Variants in CALHM4 observed in about 807,000 individuals in gnomAD.
CALHM4 encodes calcium homeostasis modulator protein 4.
A neutral mutation model predicts 13.3 loss-of-function variants in CALHM4; 16 were observed. That is an observed-to-expected ratio of 1.20 (90% confidence interval 0.81 to 1.82). The LOEUF (loss-of-function observed/expected upper bound fraction) is 1.82. Ranked by LOEUF, CALHM4 falls within the 40% of genes most tolerant of loss-of-function variation. The pLI is 0.00. For synonymous variants in CALHM4, 127 were observed against 137.1 expected, an observed-to-expected ratio of 0.93 and a Z score of 0.52; for missense variants, 344 against 374.9, an observed-to-expected ratio of 0.92 and a Z score of 0.68.
At chr6:116,533,676 G>T (rs1184065775) in intron 1 of CALHM4, among the ~76,000 whole-genome samples, 1 of 152,154 alleles carries the variant, frequency 6.6e-6, no homozygotes, top group Non-Finnish European at 1.5e-5. Flanking sequence ...TACTTGTAAC[G>T]CTAGAGCTCC....
At chr6:116,557,711 T>G in intron 1 of CALHM4, 114 bp from the exon 2 acceptor site, 1 of 1,289,140 alleles carries the variant, frequency 7.8e-7, no homozygotes, top group Non-Finnish European at 1.1e-6. Flanking sequence ...GAAAAGCAAA[T>G]TTTATGTCCA....
At chr6:116,547,707 G>A (rs1444948093) in intron 2 of CALHM4, among the ~76,000 whole-genome samples, 2 of 152,182 alleles carry the variant, frequency 1.3e-5, no homozygotes, top group Admixed American at 6.5e-5. Context: ...TGTTTCAAGC[G>A]GGTACATGAT....
intron 2 of CALHM4, among the ~76,000 whole-genome samples, chr6:116,546,814 C>G (rs1470028560): frequency 2.0e-5 from 3 of 152,154 alleles, no homozygotes; most frequent in Non-Finnish European, 4.4e-5. Context: ...GCATTTCCAT[C>G]ACTGCATATG....
chr6:116,549,660 A>T (rs1413692421), upstream of CALHM4, among the ~76,000 whole-genome samples: 2 of 151,684 alleles, frequency 1.3e-5, no homozygotes, highest in African/African-American at 2.4e-5. Flanking sequence ...TGATGGATTC[A>T]TTTCTGATAA....
chr6:116,549,070 A>G (rs1296449281), upstream of CALHM4, among the ~76,000 whole-genome samples: 2 of 152,200 alleles, frequency 1.3e-5, no homozygotes, highest in Non-Finnish European at 2.9e-5. Flanking sequence ...GGATCACCTG[A>G]GGTCAGGAGT....
intron 1 of CALHM4, among the ~76,000 whole-genome samples, chr6:116,538,110 G>T (rs1305837197): frequency 6.6e-6 from 1 of 152,180 alleles, no homozygotes; most frequent in Non-Finnish European, 1.5e-5. Context: ...TTCTACTAGA[G>T]AAGCTTTGTT....
intron 1 of CALHM4, among the ~76,000 whole-genome samples, chr6:116,530,876 A>G (rs1772656840): frequency 7.0e-6 from 1 of 142,822 alleles, no homozygotes; most frequent in South Asian, 2.2e-4. Flanking sequence ...TAATGTGAGC[A>G]GAAGGTTCAT....
In CALHM4 at chr6:116,530,388, A is replaced by C. The variant is rs143029219; in HGVS notation, c.-109+1198A>C. ...AAAAGAAAACACACAGAATGTCAAG[A>C]GAAAGGACTGAAAAAGACTTAGAAA... On this transcript the variant is annotated intron_variant, in intron 1 of 2. Transcript: ENST00000368597. 2.7e-3 allele frequency among the ~76,000 whole-genome samples: 413 copies of C among 152,334 alleles called. 1 individual carries two copies. Among genetic ancestry groups the C allele is most frequent in the African/African-American group, 9.5e-3 (396 of 41,560 alleles).
chr6:116,531,952 A>C (rs893749918), intron 1 of CALHM4, among the ~76,000 whole-genome samples: 1 of 151,710 alleles, frequency 6.6e-6, no homozygotes, highest in Non-Finnish European at 1.5e-5. Context: ...TAAAATTACC[A>C]AGTTGAGTTC....
At chr6:116,554,392 A>G (rs1233019038) in intron 1 of CALHM4, 41 bp downstream of exon 1, 12 of 1,426,458 alleles carry the variant, frequency 8.4e-6, no homozygotes, top group Non-Finnish European at 7.4e-6. Context: ...ATGTTATCCT[A>G]TAGAACTACA....
At chr6:116,541,422 C>T (rs1214364754) in intron 1 of CALHM4, among the ~76,000 whole-genome samples, 1 of 152,106 alleles carries the variant, frequency 6.6e-6, no homozygotes, top group African/African-American at 2.4e-5. Flanking sequence ...AGTGGAGCCA[C>T]AAAATGCCCA....
chr6:116,554,498 C>A, intron 1 of CALHM4, 147 bp downstream of exon 1: 2 of 757,090 alleles, frequency 2.6e-6, no homozygotes, highest in Non-Finnish European at 4.1e-6. Flanking sequence ...TTCTACTGAG[C>A]AAATATATAT....
At chr6:116,543,690 G>A (rs573569545) in intron 1 of CALHM4, 6 of 811,710 alleles carry the variant, frequency 7.4e-6, no homozygotes, top group East Asian at 2.7e-5. Context: ...TTTTCATGGA[G>A]GACAGTTTTT....
chr6:116,556,690 G>T (rs1774331237), intron 1 of CALHM4, among the ~76,000 whole-genome samples: 1 of 152,008 alleles, frequency 6.6e-6, no homozygotes, highest in Non-Finnish European at 1.5e-5. Flanking sequence ...CATAAGAAGT[G>T]CAAAATATTG....
intron 1 of CALHM4, among the ~76,000 whole-genome samples, chr6:116,531,357 C>A (rs1772712802): frequency 6.6e-6 from 1 of 151,806 alleles, no homozygotes; most frequent in African/African-American, 2.4e-5. Flanking sequence ...CTGTGAAACA[C>A]CAGAAGCAGT....
Position 116,545,978 on chromosome 6 carries a change from A to G in CALHM4, c.-1+2106A>G, listed in dbSNP as rs142821251. Among the ~76,000 whole-genome samples, 310 of 152,358 alleles carry G rather than the reference A, an allele frequency of 2.0e-3. 1 individual carries two copies. The highest frequency in any genetic ancestry group is 6.8e-3 in the Middle Eastern group (2 of 294). On this transcript the variant is annotated intron_variant, in intron 2 of 2. Coordinates refer to the CALHM4 transcript ENST00000368597. ...TTGGATTGATTGTTGTAAGAATTAG[A>G]GAGACAAGATCAGCAATCTGTAGGT...
At chr6:116,543,865 G>C in exon 2 of CALHM4, 1 of 1,532,820 alleles carries the variant, frequency 6.5e-7, no homozygotes, top group South Asian at 1.2e-5. Flanking sequence ...AAATGTAGCA[G>C]CAAATTTGTG....
chr6:116,541,226 G>A (rs1773433189), intron 1 of CALHM4, among the ~76,000 whole-genome samples: 1 of 152,082 alleles, frequency 6.6e-6, no homozygotes, highest in Admixed American at 6.6e-5. Context: ...ACTGAAAAAC[G>A]ACTAGATTTC....
chr6:116,533,948 G>A (rs144729931), intron 1 of CALHM4, among the ~76,000 whole-genome samples: 1 of 152,198 alleles, frequency 6.6e-6, no homozygotes, highest in Non-Finnish European at 1.5e-5. Context: ...TTCCCTGCCG[G>A]CAGTCTGAGT....
Sources: gnomAD v4.1 joint callset for allele counts (sites outside exome capture counted in the v4.1 genomes callset) on GRCh38, gnomAD v4.1.1 for gene constraint, MANE v1.5 for transcripts, NCBI Gene and HGNC (gene_info 2026-07-23, HGNC 2026-07-21) for gene names.